Variants in ARSD observed in about 807,000 individuals in gnomAD.
ARSD encodes the protein arylsulfatase D.
ARSD carries 21 observed loss-of-function variants against 32.6 expected under a neutral mutation model. The ratio of observed to expected loss-of-function variants is 0.64; its 90% CI spans 0.46 to 0.93. The LOEUF is 0.93. Ranked by LOEUF, ARSD falls within the 40% of genes least tolerant of loss-of-function variation. The pLI is 0.00. For missense variants in ARSD, 454 were observed against 520.9 expected (o/e 0.87, Z 1.25); for synonymous variants, 224 against 237.4 (o/e 0.94, Z 0.52).
chrX:2,925,680 G>C lies in ARSD; in HGVS notation c.130C>G (p.Leu44Val). 11 of 1,210,599 alleles carry C rather than the reference G, an allele frequency of 9.1e-6. No homozygotes were observed. Among genetic ancestry groups the C allele is most frequent in the Non-Finnish European group, 1.2e-5 (11 of 894,844 alleles). The stretch of plus-strand genomic sequence containing the variant: ...CCTAGATCATCCGCCATGATCAGTA[G>C]GATATTTGGTTTAAAGGCATTTGCA... ...KTANAFKPNILLIMADDLGTG... is the reference protein window; with the variant it reads ...KTANAFKPNIVLIMADDLGTG... Residue 44 changes from leucine to valine, a missense_variant, in exon 2 of 10, where the codon CTA (leucine) becomes GTA (valine). Around this residue, in one of 3 missense-constraint regions of ARSD, gnomAD observed 271 missense variants for 301.0 expected, o/e 0.90. Coordinates refer to ENST00000381154, the MANE Select transcript of ARSD (RefSeq NM_001669.4).
chrX:2,908,473 C>CATCT (rs780518950), intron 9 of ARSD, among the ~76,000 whole-genome samples: 1 of 107,591 alleles, frequency 9.3e-6, no homozygotes, highest in Non-Finnish European at 1.9e-5. Context: ...TCATCCATCT[C>CATCT]ATCTATCTAT....
At chrX:2,911,498 G>A (rs1374175413) in intron 6 of ARSD, among the ~76,000 whole-genome samples, 2 of 106,560 alleles carry the variant, frequency 1.9e-5, no homozygotes, top group Non-Finnish European at 1.9e-5. Flanking sequence ...GTGAAGCCCC[G>A]TCTCTACTAA....
At chrX:2,928,509 A>C in intron 1 of ARSD, among the ~76,000 whole-genome samples, 1 of 20,157 alleles carries the variant, frequency 5.0e-5, no homozygotes, top group South Asian at 4.7e-3. Flanking sequence ...GGGGGGCGGG[A>C]TGGAGCATGT....
chrX:2,918,567 G>A lies in ARSD; in HGVS notation c.440-340C>T, dbSNP rs56869300. Reference sequence around the variant, plus strand: ...AAATCGAGACCATCCTGGCTAACACGGTGAAACCCCGTCCCTACTAAAAAA... The same window carrying A: ...AAATCGAGACCATCCTGGCTAACACAGTGAAACCCCGTCCCTACTAAAAAA... On this transcript the variant is annotated intron_variant, in intron 4 of 9. Transcript: ENST00000381154. Among the ~76,000 whole-genome samples the A allele has an allele frequency of 4.8e-3, 531 of 110,296 alleles. 4 individuals are homozygous for A. Among genetic ancestry groups the A allele is most frequent in the African/African-American group, 0.017 (507 of 30,370 alleles).
intron 5 of ARSD, among the ~76,000 whole-genome samples, chrX:2,916,671 T>TA (rs1350762764): frequency 1.1e-4 from 12 of 108,058 alleles, no homozygotes; most frequent in African/African-American, 3.7e-4. Flanking sequence ...ATGGGAGAGC[T>TA]AAAAAAAAAT....
At chrX:2,914,897 CA>C in intron 6 of ARSD, 1 of 893,466 alleles carries the variant, frequency 1.1e-6, no homozygotes, top group East Asian at 6.8e-5. Context: ...ATTAAAGAGA[CA>C]GGGTCTCACT....
At chrX:2,914,630 C>A (rs1479606281) in intron 6 of ARSD, 2 of 1,023,906 alleles carry the variant, frequency 2.0e-6, no homozygotes, top group South Asian at 1.8e-5. Context: ...AATGTCTATG[C>A]TCTTTTAAGA....
At chrX:2,923,165 C>T (rs2089048615) in intron 2 of ARSD, 1 of 234,129 alleles carries the variant, frequency 4.3e-6, no homozygotes, top group Non-Finnish European at 8.2e-6. Context: ...AAGTCCTACA[C>T]ACCTGGCCGC....
chrX:2,915,637 G>C lies in ARSD; in HGVS notation c.919C>G (p.Leu307Val), dbSNP rs1265251686. The C allele has an allele frequency of 8.3e-7, 1 of 1,209,716 alleles. No homozygotes were observed. The highest frequency in any genetic ancestry group is 1.7e-5 in the African/African-American group (1 of 57,246). The change falls in exon 6 of 10, where the codon CTT becomes GTT. Residue 307 changes from leucine to valine, a missense_variant. Transcript: ENST00000381154. ...FLSLLHVHIP[L>V]VTTSAFLGKS... ...CCCAGGAATGCACTCGTGGTCACAA[G>C]GGGAATGTGCACATGCAGCAAAGAA...
rs367832035 is a variant in ARSD at position 2,907,406 on chromosome X, C to T, written c.1647G>A (p.Ser549=). 193 of 1,210,517 alleles carry T rather than the reference C, an allele frequency of 1.6e-4. No homozygotes were observed. Among genetic ancestry groups the T allele is most frequent in the Non-Finnish European group, 2.0e-4 (179 of 895,315 alleles). Residue 549 remains serine, a synonymous_variant, in exon 10 of 10, where the codon TCG becomes TCA. Transcript: ENST00000381154. The part of the protein sequence containing the change: ...AVIARVGAAV[S]EHRQTLSPVP... ...CAGGACTCAGGGTCTGCCGATGCTC[C>T]GACACCGCGGCACCTACCCTTGCTA... is the stretch of plus-strand genomic sequence containing the variant.
At chrX:2,914,062 G>A (rs141078204) in intron 6 of ARSD, 1 of 667,669 alleles carries the variant, frequency 1.5e-6, no homozygotes. Flanking sequence ...CTGCAGAACC[G>A]TGAGCCAATC....
chrX:2,922,421 C>T (rs1029367639), intron 2 of ARSD, among the ~76,000 whole-genome samples: 7 of 110,184 alleles, frequency 6.4e-5, no homozygotes, highest in Non-Finnish European at 1.1e-4. Flanking sequence ...AGGGTGGGGG[C>T]GTTTATGGTC....
intron 1 of ARSD, among the ~76,000 whole-genome samples, chrX:2,926,196 C>T (rs2089081056): frequency 9.0e-6 from 1 of 111,695 alleles, no homozygotes; most frequent in African/African-American, 3.2e-5. Context: ...GAAGACCTTC[C>T]TCTGGAGCCT....
intron 4 of ARSD, among the ~76,000 whole-genome samples, chrX:2,919,709 C>T (rs917353366): frequency 1.1e-4 from 12 of 111,559 alleles, no homozygotes; most frequent in Admixed American, 8.6e-4. Flanking sequence ...GTCTGGAATT[C>T]GGGTGGGTGC....
intron 1 of ARSD, among the ~76,000 whole-genome samples, chrX:2,926,612 A>G (rs2089084692): frequency 9.0e-6 from 1 of 111,601 alleles, no homozygotes; most frequent in Admixed American, 9.6e-5. Context: ...ACAAACTGGA[A>G]TGGAGTCACT....
rs1290063403 is a variant in ARSD at position 2,905,707 on chromosome X, A to G, written c.*1564T>C. ...TGAGATAGAGTTGTTTAATTTGACA[A>G]TAAAGCGATGCGTCAAAAACCTCAG... On this transcript the variant is annotated 3_prime_UTR_variant, in exon 10 of 10. Transcript: ENST00000381154. The G allele has an allele frequency of 8.9e-6, 1 of 112,633 alleles. No individual in the cohort carries two copies. The highest frequency in any genetic ancestry group is 1.9e-5 in the Non-Finnish European group (1 of 53,315). 9.3% of individuals were successfully genotyped at this position (112,633 alleles called of 1,213,427 possible).
chrX:2,913,485 A>C, intron 6 of ARSD: 1 of 918,623 alleles, frequency 1.1e-6, no homozygotes, highest in Non-Finnish European at 1.4e-6. Context: ...GGGGCCTTCG[A>C]ATTTATTTTT....
chrX:2,926,956 G>A (rs369495160), intron 1 of ARSD, among the ~76,000 whole-genome samples: 20 of 108,457 alleles, frequency 1.8e-4, no homozygotes, highest in African/African-American at 4.4e-4. Context: ...TTGGGGGATC[G>A]TGGCTGTGCT....
At chrX:2,915,991 G>T (rs767480092) in intron 5 of ARSD, among the ~76,000 whole-genome samples, 2 of 108,872 alleles carry the variant, frequency 1.8e-5, no homozygotes, top group East Asian at 5.8e-4. Flanking sequence ...AATTAGCTGG[G>T]CGTGGTGGCT....
Sources: allele counts gnomAD v4.1 joint callset (sites outside exome capture counted in the v4.1 genomes callset), GRCh38; gene constraint gnomAD v4.1.1; regional missense constraint gnomAD v4.1.1; transcripts MANE v1.5; gene names NCBI Gene and HGNC (gene_info 2026-07-23, HGNC 2026-07-21).